CHST11: variants seen among roughly 807,000 people sequenced by gnomAD.
CHST11 encodes carbohydrate sulfotransferase 11, also known as C4S-1.
CHST11 carries 9 observed loss-of-function variants against 30.4 expected under a neutral mutation model. The observed-to-expected ratio is 0.30, with a 90% CI of 0.18 to 0.52. The LOEUF (loss-of-function observed/expected upper bound fraction) is 0.52. Ranked by LOEUF, CHST11 falls within the 20% of genes least tolerant of loss-of-function variation. CHST11 has a pLI of 0.97. For missense variants in CHST11, 348 were observed against 460.6 expected, an observed-to-expected ratio of 0.76 and a Z score of 2.24; for synonymous variants, 152 against 187.8, an observed-to-expected ratio of 0.81 and a Z score of 1.56.
intron 1 of CHST11, chr12:104,553,568 C>CGAGAGAGAGAGAGAGAGAGAGAGA (rs3039120): frequency 2.4e-4 from 33 of 140,128 alleles, no homozygotes; most frequent in African/African-American, 8.5e-4. Flanking sequence ...ATGGTGTCAG[C>CGAGAGAGAGAGAGAGAGAGAGAGA]GAGAGAGAGA....
chr12:104,490,700 T>G (rs1253786798), intron 1 of CHST11, among the ~76,000 whole-genome samples: 1 of 152,174 alleles, frequency 6.6e-6, no homozygotes, highest in Non-Finnish European at 1.5e-5. Flanking sequence ...AAGTGGAAAG[T>G]GGGCTTTTTT....
intron 2 of CHST11, among the ~76,000 whole-genome samples, chr12:104,712,138 C>G (rs184148185): frequency 6.6e-6 from 1 of 152,100 alleles, no homozygotes; most frequent in Non-Finnish European, 1.5e-5. Context: ...GCAGAAGGCG[C>G]GGGGTGAGCA....
chr12:104,719,116 C>A (rs2040154208), intron 2 of CHST11, among the ~76,000 whole-genome samples: 1 of 152,126 alleles, frequency 6.6e-6, no homozygotes, highest in Non-Finnish European at 1.5e-5. Flanking sequence ...GCAGGCGCGG[C>A]CCCCAGGACT....
chr12:104,581,437 T>G (rs549316586), intron 1 of CHST11, among the ~76,000 whole-genome samples: 35 of 152,340 alleles, frequency 2.3e-4, no homozygotes, highest in African/African-American at 7.2e-4. Flanking sequence ...TGAGGAAAAT[T>G]TATCCCTATT....
In CHST11 at chr12:104,676,335, AG is replaced by A. The variant is rs1363938558; in HGVS notation, c.204+74345del. On this transcript the variant is annotated intron_variant, in intron 2 of 2. Coordinates refer to ENST00000303694, the MANE Select transcript of CHST11 (RefSeq NM_018413.6). The surrounding 1 kb of genome is among the most constrained non-coding windows in gnomAD (Gnocchi z 4.4). ...CTGTCCCTTGCCTTTTTTAGCTATT[AG>A]ATGCCTTCTGAATTTTTTGGCTCAT... 2.6e-5 allele frequency among the ~76,000 whole-genome samples: 4 copies of A among 152,182 alleles called. No individual in the cohort carries two copies. The highest frequency in any genetic ancestry group is 9.7e-5 in the African/African-American group (4 of 41,450).
intron 2 of CHST11, among the ~76,000 whole-genome samples, chr12:104,636,593 C>T (rs759401906): frequency 9.9e-5 from 15 of 152,264 alleles, no homozygotes; most frequent in Non-Finnish European, 1.3e-4. Flanking sequence ...ATTTATTTAT[C>T]AGTATTGTCT....
intron 1 of CHST11, among the ~76,000 whole-genome samples, chr12:104,566,580 G>A (rs2136020394): frequency 6.6e-6 from 1 of 152,234 alleles, no homozygotes; most frequent in African/African-American, 2.4e-5. Context: ...GGATTGTGAG[G>A]GTGGGTTCTG....
chr12:104,664,151 A>C (rs1265897606), intron 2 of CHST11, among the ~76,000 whole-genome samples: 1 of 152,080 alleles, frequency 6.6e-6, no homozygotes, highest in Non-Finnish European at 1.5e-5. Context: ...TCTTCTATAA[A>C]CCGCGAAATG....
intron 2 of CHST11, among the ~76,000 whole-genome samples, chr12:104,697,924 T>C (rs1377926222): frequency 6.6e-6 from 1 of 152,144 alleles, no homozygotes; most frequent in African/African-American, 2.4e-5. Flanking sequence ...TTTGACCAAG[T>C]CTTGACTTTC....
Position 104,757,920 on chromosome 12 carries a change from C to A in CHST11, c.*117C>A, listed in dbSNP as rs775004864. 4 of 1,100,214 alleles carry A rather than the reference C, an allele frequency of 3.6e-6. No homozygotes were observed. The highest frequency in any genetic ancestry group is 3.8e-6 in the Non-Finnish European group (3 of 784,024). 68.2% of individuals were successfully genotyped at this position (1,100,214 alleles called of 1,614,324 possible). A position where few individuals can be genotyped will look rare whatever the true frequency, so the allele number is the denominator to read the frequency against. On this transcript the variant is annotated 3_prime_UTR_variant, in exon 3 of 3. Coordinates refer to ENST00000303694, the MANE Select transcript of CHST11 (RefSeq NM_018413.6). This position sits in a 1 kb window ranked among gnomAD's most constrained non-coding sequence, Gnocchi z 6.5. ...TAATATTTCTTTGGGGATGATGCTG[C>A]GAGCAGCATAGTGAGAATTATTTAA...
chr12:104,671,451 C>T (rs541264815), intron 2 of CHST11, among the ~76,000 whole-genome samples: 11 of 152,162 alleles, frequency 7.2e-5, no homozygotes, highest in African/African-American at 2.4e-5. Context: ...GCTTGGAATG[C>T]CTGTCTACTG....
At chr12:104,654,635 C>A (rs1414446453) in intron 2 of CHST11, among the ~76,000 whole-genome samples, 1 of 152,094 alleles carries the variant, frequency 6.6e-6, no homozygotes, top group African/African-American at 2.4e-5. Context: ...CCCCATGCCA[C>A]CCCCTGCCCC....
intron 2 of CHST11, among the ~76,000 whole-genome samples, chr12:104,630,958 A>G (rs2039264279): frequency 6.6e-6 from 1 of 152,220 alleles, no homozygotes; most frequent in African/African-American, 2.4e-5. Context: ...AGGGCCTCTC[A>G]TTAACACTAG....
intron 1 of CHST11, among the ~76,000 whole-genome samples, chr12:104,477,726 G>A (rs929403045): frequency 6.6e-6 from 1 of 152,106 alleles, no homozygotes; most frequent in Non-Finnish European, 1.5e-5. Flanking sequence ...AGAACTGTTT[G>A]AGCAATAAAT....
chr12:104,465,308 G>A (rs2037447089), intron 1 of CHST11, among the ~76,000 whole-genome samples: 1 of 152,200 alleles, frequency 6.6e-6, no homozygotes, highest in Non-Finnish European at 1.5e-5. Flanking sequence ...AGAGCCCAGG[G>A]CTTGTAGTTA....
At chr12:104,536,331 A>G (rs1487169869) in intron 1 of CHST11, among the ~76,000 whole-genome samples, 1 of 152,194 alleles carries the variant, frequency 6.6e-6, no homozygotes, top group Non-Finnish European at 1.5e-5. Context: ...CCTCTTCTTC[A>G]TATAGAACTG....
intron 1 of CHST11, among the ~76,000 whole-genome samples, chr12:104,533,206 C>A (rs1833623165): frequency 6.6e-6 from 1 of 152,200 alleles, no homozygotes; most frequent in Admixed American, 6.5e-5. Flanking sequence ...TCACATCATG[C>A]TATAGTTAGT....
chr12:104,680,468 A>G (rs187124499), intron 2 of CHST11, among the ~76,000 whole-genome samples: 1 of 152,352 alleles, frequency 6.6e-6, no homozygotes, highest in African/African-American at 2.4e-5. Context: ...ACAGGGGCCA[A>G]TCTGCGGGGC....
intron 1 of CHST11, among the ~76,000 whole-genome samples, chr12:104,472,969 G>T (rs2037525585): frequency 6.6e-6 from 1 of 152,112 alleles, no homozygotes; most frequent in Admixed American, 6.6e-5. Flanking sequence ...GTGATGTCTG[G>T]GAATACGGGA....
Sources: gnomAD v4.1 joint callset for allele counts (sites outside exome capture counted in the v4.1 genomes callset) on GRCh38, gnomAD v4.1.1 for gene constraint, Gnocchi (gnomAD v3.1) non-coding constraint, MANE v1.5 for transcripts, NCBI Gene and HGNC (gene_info 2026-07-23, HGNC 2026-07-21) for gene names.